Variants in UTRN observed in about 807,000 individuals in gnomAD.
UTRN encodes dystrophin-related protein 1.
A neutral mutation model predicts 463.9 loss-of-function variants in UTRN; 283 were observed. That is an observed-to-expected ratio of 0.61 (90% CI 0.55 to 0.67). The LOEUF is 0.67. UTRN is among the 30% of genes least tolerant of loss of function. UTRN has a pLI of 0.00. For missense variants in UTRN, 3,922 were observed against 4,084.3 expected (o/e 0.96, Z 1.08); for synonymous variants, 1,442 against 1,431.5 (o/e 1.01, Z -0.17).
rs756115213 is a variant in UTRN, at chr6:144,782,134, A to AT, written c.8834+17dup. 9.0e-6 allele frequency: 14 copies of AT among 1,560,310 alleles called. No individual in the cohort carries two copies. In the South Asian group the frequency reaches 1.2e-4, roughly 13 times the overall value. ...CAATGTCTATGACACGTAAGTTTAT[A>AT]TTTTTTCTCATTAAAATACGATCAC... On this transcript the variant is annotated intron_variant, in intron 61 of 74. Transcript: ENST00000367545.
chr6:144,467,821 G>GT lies in UTRN; in HGVS notation c.3066+4955_3066+4956insT, dbSNP rs1377300813. On this transcript the variant is annotated intron_variant, in intron 23 of 74. Transcript: ENST00000367545. ...GTGAACACATTTTACTTTACTGAAG[G>GT]GAATATTCATATATTCCCTTCCTTA... is the stretch of plus-strand genomic sequence containing the variant. Among the ~76,000 whole-genome samples the GT allele has an allele frequency of 1.2e-4, 18 of 151,712 alleles. No individual in the cohort carries two copies. In the East Asian group the frequency reaches 2.5e-3, roughly 21 times the overall value.
At chr6:144,745,572 C>A (rs1251665494) in intron 54 of UTRN, among the ~76,000 whole-genome samples, 2 of 152,124 alleles carry the variant, frequency 1.3e-5, no homozygotes, top group East Asian at 1.9e-4. Flanking sequence ...TTCTGAGTAG[C>A]TTCTTGAGTG....
intron 2 of UTRN, among the ~76,000 whole-genome samples, chr6:144,328,742 C>T (rs907070240): frequency 1.3e-5 from 2 of 151,380 alleles, no homozygotes; most frequent in Non-Finnish European, 2.9e-5. Context: ...TCTTCATCCC[C>T]CCTTCATTGC....
chr6:144,589,767 A>C (rs12192622), intron 51 of UTRN, among the ~76,000 whole-genome samples: 25,997 of 152,096 alleles, frequency 0.17, 2,411 homozygotes, highest in South Asian at 0.31. Flanking sequence ...GAGAATGAGG[A>C]GATGTTGGAA....
chr6:144,736,841 C>T (rs527270985), intron 54 of UTRN, among the ~76,000 whole-genome samples: 1 of 152,298 alleles, frequency 6.6e-6, no homozygotes, highest in Admixed American at 6.5e-5. Context: ...CTACATTCTG[C>T]AGGTAGTGGT....
At chr6:144,474,139 C>T (rs1454935413) in intron 24 of UTRN, among the ~76,000 whole-genome samples, 2 of 148,184 alleles carry the variant, frequency 1.3e-5, no homozygotes, top group Admixed American at 6.7e-5. Flanking sequence ...TTAAGAAAAA[C>T]ATATTTAACA....
At position 144,851,292 on chromosome 6, in the gene UTRN, G is replaced by A. The variant is rs1043118887; in HGVS notation, c.*295G>A. 4.6e-6 allele frequency: 2 copies of A among 438,664 alleles called. No homozygotes were observed. Among genetic ancestry groups the A allele is most frequent in the African/African-American group, 3.9e-5 (2 of 50,634 alleles). The allele number at this position is 438,664 out of a possible 1,614,324, so 27.2% of individuals were successfully genotyped here. ...TACATTTGTCACGGATTTGTATAAT[G>A]TATACAGCATTGGGAAAGTGGGTGG... is the stretch of plus-strand genomic sequence containing the variant. On this transcript the variant is annotated 3_prime_UTR_variant, in exon 75 of 75. Coordinates refer to ENST00000367545, the MANE Select transcript of UTRN (RefSeq NM_007124.3).
chr6:144,782,122 A>G lies in UTRN; in HGVS notation c.8833A>G (p.Thr2945Ala), dbSNP rs377527423. ...CAATTGGTTGCTCAATGTCTATGAC[A>G]CGTAAGTTTATATTTTTTCTCATTA... ...CLNWLLNVYD[T>A]GRTGKIRVQS... Residue 2945 changes from threonine (T) to alanine (A), a missense_variant and splice_region_variant, in exon 61 of 75, where the codon ACG (threonine) becomes GCG (alanine). Around this residue, in one of 3 missense-constraint regions of UTRN, gnomAD observed 1,309 missense variants for 1,452.6 expected, o/e 0.90. Transcript: ENST00000367545. 5.7e-6 allele frequency: 9 copies of G among 1,580,036 alleles called. No individual in the cohort carries two copies. Among genetic ancestry groups the G allele is most frequent in the Non-Finnish European group, 7.8e-6 (9 of 1,156,964 alleles).
At chr6:144,560,396 T>C (rs1201781104) in intron 50 of UTRN, among the ~76,000 whole-genome samples, 25 of 151,622 alleles carry the variant, frequency 1.6e-4, no homozygotes. Flanking sequence ...TTAGAAGCCA[T>C]ATCAGATGAA....
chr6:144,474,782 C>G lies in UTRN; in HGVS notation c.3336+23C>G, dbSNP rs762839358. On this transcript the variant is annotated intron_variant, in intron 25 of 74. Coordinates refer to ENST00000367545, the MANE Select transcript of UTRN (RefSeq NM_007124.3). ...GAGGTGAGTTTTTCAACTTTACTAC[C>G]TACGGTTTTCAGGAGATGTAGACTG... 18 of 1,607,384 alleles carry G rather than the reference C, an allele frequency of 1.1e-5. No individual in the cohort carries two copies. In the South Asian group the frequency reaches 2.0e-4, roughly 18 times the overall value.
chr6:144,526,279 A>G (rs1475703345), intron 41 of UTRN, among the ~76,000 whole-genome samples: 1 of 152,096 alleles, frequency 6.6e-6, no homozygotes, highest in African/African-American at 2.4e-5. Context: ...CTATCAGTGG[A>G]GTATTGAAGT....
intron 66 of UTRN, among the ~76,000 whole-genome samples, chr6:144,824,613 TC>T (rs1562955157): frequency 2.1e-3 from 107 of 50,616 alleles, no homozygotes; most frequent in Non-Finnish European, 2.6e-3. Context: ...TATATATATA[TC>T]TTTTTTTTTT....
intron 2 of UTRN, among the ~76,000 whole-genome samples, chr6:144,354,884 G>A (rs7774175): frequency 0.022 from 3,295 of 152,226 alleles, 114 homozygotes; most frequent in East Asian, 0.16. Flanking sequence ...GCACGGTGTT[G>A]AAAGATAGGT....
At chr6:144,587,553 C>T (rs1329749468) in intron 51 of UTRN, among the ~76,000 whole-genome samples, 1 of 152,056 alleles carries the variant, frequency 6.6e-6, no homozygotes, top group African/African-American at 2.4e-5. Flanking sequence ...TGTACAGCTC[C>T]CTGTATTTAG....
At chr6:144,393,501 G>A (rs527517735) in intron 2 of UTRN, among the ~76,000 whole-genome samples, 14 of 152,250 alleles carry the variant, frequency 9.2e-5, no homozygotes, top group African/African-American at 2.6e-4. Context: ...AAAAAGAAAC[G>A]ATGGAAAAAG....
intron 2 of UTRN, among the ~76,000 whole-genome samples, chr6:144,307,546 C>T (rs189644025): frequency 8.3e-4 from 126 of 152,172 alleles, no homozygotes; most frequent in Non-Finnish European, 1.5e-3. Context: ...ATTGGCAGTC[C>T]AATACGCTGG....
Position 144,516,325 on chromosome 6 carries a change from G to C in UTRN, c.5341G>C (p.Asp1781His). 1 of 1,613,656 alleles carries C rather than the reference G, an allele frequency of 6.2e-7. No individual in the cohort carries two copies. Among genetic ancestry groups the C allele is most frequent in the African/African-American group, 1.3e-5 (1 of 74,992 alleles). The stretch of plus-strand genomic sequence containing the variant: ...CTCTGACTTGGAAAAATTAGAAAAT[G>C]ACATAGAAAATATGTTAAAATTTGT... Reference protein sequence around the residue: ...PFSDLEKLENDIENMLKFVEK... With the variant: ...PFSDLEKLENHIENMLKFVEK... The change falls in exon 38 of 75, where the codon GAC becomes CAC. Residue 1781 changes from aspartate to histidine, a missense_variant. Coordinates refer to ENST00000367545, the MANE Select transcript of UTRN (RefSeq NM_007124.3).
intron 2 of UTRN, among the ~76,000 whole-genome samples, chr6:144,300,765 A>G (rs1410400305): frequency 2.0e-5 from 3 of 152,178 alleles, no homozygotes; most frequent in Non-Finnish European, 2.9e-5. Flanking sequence ...GAGGTTGGCC[A>G]TGTTCATATG....
rs536741681 is a variant in UTRN at position 144,825,241 on chromosome 6, T to C, written c.9495-2107T>C. On this transcript the variant is annotated intron_variant, in intron 66 of 74. Transcript: ENST00000367545. ...TGCTTTCTGGAATATTAGTGTGTGATTGACAAAATCACCTGTTCAGCCCCC... is the reference window on the plus strand; with the variant it reads ...TGCTTTCTGGAATATTAGTGTGTGACTGACAAAATCACCTGTTCAGCCCCC... 5.3e-5 allele frequency among the ~76,000 whole-genome samples: 8 copies of C among 152,320 alleles called. No homozygotes were observed. In the South Asian group the frequency reaches 1.0e-3, roughly 20 times the overall value.
Sources: allele counts gnomAD v4.1 joint callset (sites outside exome capture counted in the v4.1 genomes callset), GRCh38; gene constraint gnomAD v4.1.1; regional missense constraint gnomAD v4.1.1; transcripts MANE v1.5; gene names NCBI Gene and HGNC (gene_info 2026-07-23, HGNC 2026-07-21).